The following DDX10 variants were observed in gnomAD, a reference collection of about 807,000 sequenced individuals.
DDX10 encodes DEAD-box helicase 10.
A neutral mutation model predicts 104.3 loss-of-function variants in DDX10; 74 were observed. The observed-to-expected ratio is 0.71, with a 90% CI of 0.59 to 0.86. The LOEUF (loss-of-function observed/expected upper bound fraction) is 0.86, where lower values mean the gene tolerates loss of function less well. Ranked by LOEUF, DDX10 falls within the 40% of genes least tolerant of loss-of-function variation. The pLI, the probability that DDX10 is intolerant of heterozygous loss-of-function variation, is 0.00. For synonymous variants in DDX10, 351 were observed against 353.4 expected (o/e 0.99, Z 0.08); for missense variants, 952 against 1,040.0 (o/e 0.92, Z 1.16).
At chr11:108,806,393 A>T (rs1394426500) in intron 13 of DDX10, among the ~76,000 whole-genome samples, 2 of 152,214 alleles carry the variant, frequency 1.3e-5, no homozygotes, top group Non-Finnish European at 2.9e-5. Context: ...TGTATGGCGA[A>T]CTTTATGATA....
chr11:108,851,315 T>C (rs1433052768), intron 15 of DDX10, among the ~76,000 whole-genome samples: 2 of 152,176 alleles, frequency 1.3e-5, no homozygotes, highest in South Asian at 2.1e-4. Context: ...TGATCAGTTA[T>C]ATCATATTTT....
chr11:108,723,148 T>C lies in DDX10; in HGVS notation c.1651T>C (p.Tyr551His), dbSNP rs2094300693. 1.9e-6 allele frequency: 3 copies of C among 1,613,834 alleles called. No homozygotes were observed. The highest frequency in any genetic ancestry group is 1.3e-5 in the African/African-American group (1 of 75,018). ...TNDEVEEFRAYFNEKMSILQK... is the reference protein window; with the variant it reads ...TNDEVEEFRAHFNEKMSILQK... ...TGACGAAGTGGAAGAATTTAGAGCC[T>C]ACTTCAATGAGAAAATGTCCATCCT... The change falls in exon 13 of 18, where the codon TAC becomes CAC. Residue 551 changes from tyrosine (Y) to histidine (H), a missense_variant. By Grantham distance (83) the Tyr-to-His change is moderately conservative (BLOSUM62 2). Coordinates refer to ENST00000322536, the MANE Select transcript of DDX10 (RefSeq NM_004398.4).
chr11:108,781,805 A>T (rs1050813807), intron 13 of DDX10, among the ~76,000 whole-genome samples: 3 of 151,614 alleles, frequency 2.0e-5, no homozygotes, highest in East Asian at 1.9e-4. Flanking sequence ...TTTTTCTGGT[A>T]GAAATAAAAT....
chr11:108,687,341 C>G (rs571475584), intron 6 of DDX10, among the ~76,000 whole-genome samples: 1 of 152,290 alleles, frequency 6.6e-6, no homozygotes, highest in African/African-American at 2.4e-5. Context: ...AGGTCTTACT[C>G]TGTCACCCAG....
chr11:108,749,088 A>C (rs7395967), intron 13 of DDX10, among the ~76,000 whole-genome samples: 75,920 of 146,642 alleles, frequency 0.52, 19,482 homozygotes, highest in Non-Finnish European at 0.56. Flanking sequence ...CTCTCTCTCT[A>C]TATATATATT....
chr11:108,675,631 A>G lies in DDX10; in HGVS notation c.283A>G (p.Ile95Val). Residue 95 changes from isoleucine to valine, a missense_variant, in exon 3 of 18, where the codon ATA (isoleucine) becomes GTA (valine). Transcript: ENST00000322536. The stretch of plus-strand genomic sequence containing the variant: ...AGCTCAGTACCGTTTGGTGACTGAG[A>G]TACAGAAGCAGACCATTGGATTGGC... ...QEAQYRLVTE[I>V]QKQTIGLALQ... The G allele has an allele frequency of 6.2e-7, 1 of 1,614,172 alleles. No individual in the cohort carries two copies. Among genetic ancestry groups the G allele is most frequent in the Non-Finnish European group, 8.5e-7 (1 of 1,180,016 alleles).
intron 14 of DDX10, among the ~76,000 whole-genome samples, chr11:108,840,495 C>A (rs2466928): frequency 0.23 from 34,373 of 152,034 alleles, 4,191 homozygotes; most frequent in East Asian, 0.3. Flanking sequence ...AAATAAACCT[C>A]TGTTTTTCTG....
chr11:108,845,645 G>A (rs775033203), intron 15 of DDX10, among the ~76,000 whole-genome samples: 8 of 151,992 alleles, frequency 5.3e-5, no homozygotes, highest in Non-Finnish European at 8.8e-5. Context: ...GGATGTGCCT[G>A]AATGAATTTT....
At chr11:108,740,132 C>T (rs747513945) in intron 13 of DDX10, among the ~76,000 whole-genome samples, 1 of 152,044 alleles carries the variant, frequency 6.6e-6, no homozygotes, top group Non-Finnish European at 1.5e-5. Flanking sequence ...CCCTCACTCA[C>T]CTTCCTGTCT....
chr11:108,775,745 T>A (rs2134532368), intron 13 of DDX10, among the ~76,000 whole-genome samples: 1 of 152,334 alleles, frequency 6.6e-6, no homozygotes, highest in East Asian at 1.9e-4. Flanking sequence ...AAGTTAAATT[T>A]TTCTTTTTTA....
In DDX10 at chr11:108,799,914, CT is replaced by C. The variant is rs530280366; in HGVS notation, c.1966-38525del. ...GACATAGTTCTAGTTGTTCATTTCC[CT>C]TTTTTTGTTGTTGTTAAGAGATGGA... is the stretch of plus-strand genomic sequence containing the variant. On this transcript the variant is annotated intron_variant, in intron 13 of 17. Transcript: ENST00000322536. Among the ~76,000 whole-genome samples, 3 of 152,026 alleles carry C rather than the reference CT, an allele frequency of 2.0e-5. No homozygotes were observed. In the South Asian group the frequency reaches 6.2e-4, roughly 32 times the overall value.
intron 13 of DDX10, among the ~76,000 whole-genome samples, chr11:108,725,465 G>A (rs940997457): frequency 1.3e-5 from 2 of 152,028 alleles, no homozygotes; most frequent in African/African-American, 2.4e-5. Context: ...GCATCCCATC[G>A]TGTCAGCACA....
intron 13 of DDX10, among the ~76,000 whole-genome samples, chr11:108,802,799 A>G (rs1013924092): frequency 1.3e-5 from 2 of 152,204 alleles, no homozygotes; most frequent in African/African-American, 2.4e-5. Flanking sequence ...GTCCTAATGC[A>G]TGATATCTGT....
At chr11:108,709,221 G>C (rs1360875626) in intron 10 of DDX10, among the ~76,000 whole-genome samples, 2 of 152,052 alleles carry the variant, frequency 1.3e-5, no homozygotes, top group Non-Finnish European at 2.9e-5. Context: ...ATTAGCAGTA[G>C]GTTTTTTGTA....
chr11:108,938,976 TTTTA>T (rs955228812), intron 17 of DDX10, among the ~76,000 whole-genome samples: 7 of 152,238 alleles, frequency 4.6e-5, no homozygotes, highest in Non-Finnish European at 8.8e-5. Context: ...TCTGTGATTT[TTTTA>T]TTTATTTATT....
chr11:108,794,881 C>T (rs1861918205), intron 13 of DDX10, among the ~76,000 whole-genome samples: 1 of 112,380 alleles, frequency 8.9e-6, no homozygotes, highest in Non-Finnish European at 1.9e-5. Context: ...GGCTGGAGTG[C>T]AGTGGCACCA....
intron 10 of DDX10, among the ~76,000 whole-genome samples, chr11:108,710,936 T>A (rs2094283544): frequency 6.6e-6 from 1 of 152,156 alleles, no homozygotes; most frequent in Admixed American, 6.5e-5. Flanking sequence ...GTTAATTTGT[T>A]TTATTGTTAG....
intron 10 of DDX10, among the ~76,000 whole-genome samples, chr11:108,713,937 T>A (rs1016354426): frequency 7.9e-5 from 12 of 152,060 alleles, no homozygotes; most frequent in Non-Finnish European, 1.6e-4. Flanking sequence ...CCAACTTAAG[T>A]GGGAAAGGAT....
At chr11:108,849,093 A>G (rs1457417718) in intron 15 of DDX10, among the ~76,000 whole-genome samples, 1 of 152,156 alleles carries the variant, frequency 6.6e-6, no homozygotes, top group Non-Finnish European at 1.5e-5. Flanking sequence ...AATAGGTAAC[A>G]GATTGGAGAA....
Sources: gnomAD v4.1 joint callset for allele counts (sites outside exome capture counted in the v4.1 genomes callset) on GRCh38, gnomAD v4.1.1 for gene constraint, MANE v1.5 for transcripts, NCBI Gene and HGNC (gene_info 2026-07-23, HGNC 2026-07-21) for gene names.